Variants in C8orf34 observed in about 807,000 individuals in gnomAD.
C8orf34 encodes uncharacterized protein C8orf34.
A neutral mutation model predicts 68.3 loss-of-function variants in C8orf34; 65 were observed. That is an observed-to-expected ratio of 0.95 (90% CI 0.78 to 1.17). The LOEUF is 1.17. Among genes scored for constraint, C8orf34 ranks in the 50% most tolerant of loss-of-function variants. C8orf34 has a pLI of 0.00. For synonymous variants in C8orf34, 244 were observed against 241.2 expected (o/e 1.01, Z -0.11); for missense variants, 664 against 655.4 (o/e 1.01, Z -0.14).
chr8:68,679,259 C>G (rs552223151), intron 8 of C8orf34, among the ~76,000 whole-genome samples: 7 of 152,094 alleles, frequency 4.6e-5, no homozygotes, highest in South Asian at 4.2e-4. Context: ...TGCACTCCAG[C>G]CTGGGTGACA....
chr8:68,554,850 T>A (rs886708437), intron 7 of C8orf34, among the ~76,000 whole-genome samples: 5 of 152,116 alleles, frequency 3.3e-5, no homozygotes, highest in Admixed American at 6.5e-5. Flanking sequence ...ATATCTTTTT[T>A]AAAAAAATTA....
chr8:68,539,898 C>A (rs973085720), intron 7 of C8orf34, among the ~76,000 whole-genome samples: 1 of 151,436 alleles, frequency 6.6e-6, no homozygotes, highest in South Asian at 2.1e-4. Flanking sequence ...TACATGTTAA[C>A]GGAAGAGTGG....
Position 68,446,608 on chromosome 8 carries a change from A to G in C8orf34, c.607+148A>G, listed in dbSNP as rs1036935360. 8.1e-6 allele frequency: 6 copies of G among 737,186 alleles called. No homozygotes were observed. The African/African-American group carries it at 1.1e-4, about 13-fold the overall frequency. 45.7% of individuals were successfully genotyped at this position (737,186 alleles called of 1,614,324 possible). A position where few individuals can be genotyped will look rare whatever the true frequency, so the allele number is the denominator to read the frequency against. ...TGAATTTCACTTTTACTCCGCATTTACATTGATCTTCATTCATACGTATGT... is the reference window on the plus strand; with the variant it reads ...TGAATTTCACTTTTACTCCGCATTTGCATTGATCTTCATTCATACGTATGT... On this transcript the variant is annotated intron_variant, in intron 3 of 13. Coordinates refer to ENST00000518698, the MANE Select transcript of C8orf34 (RefSeq NM_052958.4).
intron 1 of C8orf34, among the ~76,000 whole-genome samples, chr8:68,415,247 A>C (rs1174313117): frequency 1.3e-5 from 2 of 152,160 alleles, no homozygotes; most frequent in Non-Finnish European, 2.9e-5. Flanking sequence ...TTGGGAGGCC[A>C]GGCGGGTGGA....
intron 7 of C8orf34, among the ~76,000 whole-genome samples, chr8:68,553,477 A>G (rs543293097): frequency 2.2e-4 from 34 of 151,780 alleles, no homozygotes; most frequent in African/African-American, 7.2e-4. Flanking sequence ...AATGTTTGGC[A>G]GAATTCTCCA....
At chr8:68,746,033 A>G (rs1181931274) in intron 10 of C8orf34, among the ~76,000 whole-genome samples, 9 of 152,146 alleles carry the variant, frequency 5.9e-5, no homozygotes, top group Admixed American at 4.6e-4. Context: ...ATAACAAACT[A>G]TCTCTCAGAC....
intron 1 of C8orf34, among the ~76,000 whole-genome samples, chr8:68,369,144 C>A (rs1313099510): frequency 6.6e-6 from 1 of 152,168 alleles, no homozygotes; most frequent in Non-Finnish European, 1.5e-5. Flanking sequence ...ATCCTTTATG[C>A]ACATTTTAAA....
At chr8:68,483,688 G>A (rs546642423) in intron 4 of C8orf34, among the ~76,000 whole-genome samples, 12 of 152,258 alleles carry the variant, frequency 7.9e-5, no homozygotes, top group East Asian at 5.8e-4. Flanking sequence ...TTTAGCCTGC[G>A]CACAGTGAGA....
Position 68,446,394 on chromosome 8 carries a change from C to G in C8orf34, c.541C>G (p.Pro181Ala). The change falls in exon 3 of 14, where the codon CCT (proline) becomes GCT (alanine). Residue 181 changes from proline to alanine, a missense_variant. Physicochemically the swap from Pro to Ala is conservative, Grantham distance 27 (BLOSUM62 -1). Transcript: ENST00000518698. ...DKPWQLNAKKPKKSKSDLAVS... is the reference protein window; with the variant it reads ...DKPWQLNAKKAKKSKSDLAVS... ...ACCTTGGCAATTAAATGCAAAGAAGCCTAAAAAATCAAAAAGTGACCTTGC... is the reference window on the plus strand; with the variant it reads ...ACCTTGGCAATTAAATGCAAAGAAGGCTAAAAAATCAAAAAGTGACCTTGC... 6.2e-7 allele frequency: 1 copy of G among 1,612,414 alleles called. No homozygotes were observed. The highest frequency in any genetic ancestry group is 2.2e-5 in the East Asian group (1 of 44,700).
intron 6 of C8orf34, chr8:68,530,540 CA>C: frequency 1.2e-6 from 1 of 855,430 alleles, no homozygotes; most frequent in African/African-American, 1.8e-5. Flanking sequence ...GTTTACTTCT[CA>C]ATGAATAAAG....
intron 7 of C8orf34, among the ~76,000 whole-genome samples, chr8:68,565,169 T>C (rs572004221): frequency 3.9e-4 from 60 of 152,202 alleles, no homozygotes; most frequent in Non-Finnish European, 7.1e-4. Flanking sequence ...TCTACTTCGT[T>C]CTTTTTTGCC....
intron 1 of C8orf34, among the ~76,000 whole-genome samples, chr8:68,418,353 G>A (rs1435729247): frequency 6.6e-6 from 1 of 151,626 alleles, no homozygotes; most frequent in Non-Finnish European, 1.5e-5. Flanking sequence ...TGGTGAGAGA[G>A]GGCATCCCTG....
intron 7 of C8orf34, among the ~76,000 whole-genome samples, chr8:68,604,417 C>T (rs1478131185): frequency 2.0e-5 from 3 of 147,120 alleles, no homozygotes; most frequent in African/African-American, 5.3e-5. Context: ...AAAAGATAGA[C>T]AGCAAATCAT....
chr8:68,414,592 CAG>C (rs1809583903), intron 1 of C8orf34, among the ~76,000 whole-genome samples: 1 of 126,694 alleles, frequency 7.9e-6, no homozygotes, highest in South Asian at 2.6e-4. Context: ...TCTTGGGAAA[CAG>C]AGATGTCTAA....
chr8:68,377,969 T>C (rs1807874387), intron 1 of C8orf34, among the ~76,000 whole-genome samples: 1 of 152,054 alleles, frequency 6.6e-6, no homozygotes, highest in Non-Finnish European at 1.5e-5. Flanking sequence ...CCATCAGATC[T>C]CATGAGACTT....
At chr8:68,393,683 G>T (rs1238413853) in intron 1 of C8orf34, among the ~76,000 whole-genome samples, 6 of 152,152 alleles carry the variant, frequency 3.9e-5, no homozygotes. Flanking sequence ...TGAAATTAGA[G>T]AATTCAGCAA....
intron 8 of C8orf34, among the ~76,000 whole-genome samples, chr8:68,707,840 C>T (rs1821215060): frequency 6.6e-6 from 1 of 152,126 alleles, no homozygotes; most frequent in African/African-American, 2.4e-5. Flanking sequence ...TAATGCACCT[C>T]TGTACCTTCT....
rs1021568233 is a variant in C8orf34, at chr8:68,543,478, T to G, written c.1105+10329T>G. Among the ~76,000 whole-genome samples the G allele has an allele frequency of 1.3e-4, 20 of 152,208 alleles. 1 individual carries two copies. The highest frequency in any genetic ancestry group is 2.5e-4 in the Non-Finnish European group (17 of 68,036). ...GCGTGTAGAATAACATTAACATTTA[T>G]GTACATTTACAATATACAATGTACT... On this transcript the variant is annotated intron_variant, in intron 7 of 13. Transcript: ENST00000518698.
chr8:68,477,404 G>A (rs556950889), intron 4 of C8orf34, among the ~76,000 whole-genome samples: 7 of 152,338 alleles, frequency 4.6e-5, no homozygotes, highest in African/African-American at 1.7e-4. Context: ...CTGAAACAAA[G>A]CAGAGACTCC....
Sources: allele counts gnomAD v4.1 joint callset (sites outside exome capture counted in the v4.1 genomes callset), GRCh38; gene constraint gnomAD v4.1.1; transcripts MANE v1.5; gene names NCBI Gene and HGNC (gene_info 2026-07-23, HGNC 2026-07-21).